The following NEO1 variants were observed in gnomAD, a reference collection of about 807,000 sequenced individuals.
NEO1 encodes neogenin 1.
A neutral mutation model predicts 159.7 loss-of-function variants in NEO1; 63 were observed. The ratio of observed to expected loss-of-function variants is 0.39; its 90% CI spans 0.32 to 0.49. The LOEUF (loss-of-function observed/expected upper bound fraction) is 0.49, where lower values mean the gene tolerates loss of function less well. Ranked by LOEUF, NEO1 falls within the 20% of genes least tolerant of loss-of-function variation. NEO1 has a pLI of 0.85. For missense variants in NEO1, 1,615 were observed against 1,831.0 expected (o/e 0.88, Z 2.15); for synonymous variants, 633 against 662.0 (o/e 0.96, Z 0.67).
intron 5 of NEO1, among the ~76,000 whole-genome samples, chr15:73,169,248 G>T (rs186883965): frequency 4.0e-4 from 61 of 152,260 alleles, no homozygotes; most frequent in African/African-American, 1.4e-3. Context: ...AATTCCACTT[G>T]TACATTTAGC....
intron 26 of NEO1, among the ~76,000 whole-genome samples, chr15:73,295,229 T>A (rs1260768749): frequency 6.6e-6 from 1 of 150,874 alleles, no homozygotes; most frequent in Non-Finnish European, 1.5e-5. Context: ...AGATGGACAG[T>A]TACTCCAGCC....
chr15:73,105,246 C>T lies in NEO1; in HGVS notation c.131-11294C>T, dbSNP rs115818343. Among the ~76,000 whole-genome samples the T allele has an allele frequency of 5.2e-3, 794 of 152,212 alleles. 10 individuals are homozygous for T. The highest frequency in any genetic ancestry group is 0.018 in the African/African-American group (763 of 41,524). On this transcript the variant is annotated intron_variant, in intron 1 of 28. Coordinates refer to ENST00000261908, the MANE Select transcript of NEO1 (RefSeq NM_002499.4). ...AAAGATAAAGAACCAAACAAATGTC[C>T]ACTGTTTCAGTTGGGCCAGAGGAAT...
chr15:73,071,787 A>T (rs1039414256), intron 1 of NEO1, among the ~76,000 whole-genome samples: 3 of 152,328 alleles, frequency 2.0e-5, no homozygotes, highest in Admixed American at 2.0e-4. Context: ...GATTGCTGGG[A>T]TTACAGGTGT....
chr15:73,071,260 G>A (rs1386399899), intron 1 of NEO1, among the ~76,000 whole-genome samples: 4 of 152,120 alleles, frequency 2.6e-5, no homozygotes, highest in Non-Finnish European at 5.9e-5. Context: ...TTTATGTGTA[G>A]TTACTACTTT....
chr15:73,095,276 G>A (rs1369158090), intron 1 of NEO1, among the ~76,000 whole-genome samples: 2 of 150,932 alleles, frequency 1.3e-5, no homozygotes, highest in African/African-American at 4.9e-5. Flanking sequence ...TAACCTATAA[G>A]CTAATGTTGA....
At chr15:73,300,467 C>T (rs752716000) in intron 27 of NEO1, among the ~76,000 whole-genome samples, 9 of 152,234 alleles carry the variant, frequency 5.9e-5, no homozygotes, top group African/African-American at 1.9e-4. Context: ...CGGTGGCTCA[C>T]GCTTGTAATC....
chr15:73,184,303 G>C (rs537373518), intron 7 of NEO1, among the ~76,000 whole-genome samples: 2 of 152,008 alleles, frequency 1.3e-5, no homozygotes, highest in Non-Finnish European at 2.9e-5. Context: ...TTACAGGTGC[G>C]TGCCACCATG....
intron 7 of NEO1, among the ~76,000 whole-genome samples, chr15:73,179,101 A>G (rs981611132): frequency 3.3e-5 from 5 of 152,214 alleles, no homozygotes; most frequent in Admixed American, 1.3e-4. Flanking sequence ...AAGTATAAAG[A>G]AAAAAATCCA....
chr15:73,213,390 A>C (rs755345421), intron 7 of NEO1, among the ~76,000 whole-genome samples: 1 of 152,154 alleles, frequency 6.6e-6, no homozygotes, highest in Non-Finnish European at 1.5e-5. Flanking sequence ...TATACAATGC[A>C]CCATATTTGT....
chr15:73,218,678 T>C (rs1245903348), intron 7 of NEO1, among the ~76,000 whole-genome samples: 1 of 152,232 alleles, frequency 6.6e-6, no homozygotes, highest in Non-Finnish European at 1.5e-5. Flanking sequence ...TCGAGGAATT[T>C]ATCCATTTCT....
intron 2 of NEO1, among the ~76,000 whole-genome samples, chr15:73,121,186 A>G (rs1439685776): frequency 6.6e-6 from 1 of 152,206 alleles, no homozygotes; most frequent in African/African-American, 2.4e-5. Flanking sequence ...AATGTTCTTT[A>G]TAGTAAAAAC....
intron 5 of NEO1, among the ~76,000 whole-genome samples, chr15:73,150,460 A>G (rs2151832185): frequency 6.6e-6 from 1 of 152,292 alleles, no homozygotes; most frequent in Admixed American, 6.5e-5. Flanking sequence ...TACAGCAAAT[A>G]CCCACCACCT....
At chr15:73,183,474 C>A (rs2035737109) in intron 7 of NEO1, among the ~76,000 whole-genome samples, 2 of 152,086 alleles carry the variant, frequency 1.3e-5, no homozygotes, top group Admixed American at 6.5e-5. Context: ...GCGCAGAAAT[C>A]ATTTTAGGCC....
Position 73,178,459 on chromosome 15 carries a change from G to A in NEO1, c.1291+32G>A, listed in dbSNP as rs756159874. The stretch of plus-strand genomic sequence containing the variant: ...AGGGCTGAAATAGTCAGATGATAGA[G>A]GCTGTGTGCTTGATGAACAAGCACC... On this transcript the variant is annotated intron_variant, in intron 7 of 28. Transcript: ENST00000261908. 94 of 1,610,032 alleles carry A rather than the reference G, an allele frequency of 5.8e-5. No homozygotes were observed. In the African/African-American group the frequency reaches 1.2e-3, roughly 21 times the overall value.
chr15:73,253,448 A>T lies in NEO1; in HGVS notation c.1943A>T (p.Lys648Met). The change falls in exon 12 of 29, where the codon AAG (lysine) becomes ATG (methionine). Residue 648 changes from lysine to methionine, a missense_variant and splice_region_variant. Transcript: ENST00000261908. ...CTGTCCTTGGAAGTGAGAAATTCAA[A>T]GGTAAAACTGTATGATGCTGCTGTT... Reference protein sequence around the residue: ...QNLSLEVRNSKSIMIHWQPPA... With the variant: ...QNLSLEVRNSMSIMIHWQPPA... 1 of 1,599,516 alleles carries T rather than the reference A, an allele frequency of 6.3e-7. No homozygotes were observed. The highest frequency in any genetic ancestry group is 8.5e-7 in the Non-Finnish European group (1 of 1,172,626).
Position 73,109,501 on chromosome 15 carries a change from C to G in NEO1, c.131-7039C>G, listed in dbSNP as rs150378212. Among the ~76,000 whole-genome samples, 401 of 151,700 alleles carry G rather than the reference C, an allele frequency of 2.6e-3. 2 individuals carry two copies. The highest frequency in any genetic ancestry group is 9.3e-3 in the African/African-American group (384 of 41,312). ...GGGAGGAAGATGGAGGGGAGAAGAA[C>G]AAGGCTGAAAATTGAAGAAAAGGAA... On this transcript the variant is annotated intron_variant, in intron 1 of 28. Coordinates refer to ENST00000261908, the MANE Select transcript of NEO1 (RefSeq NM_002499.4).
Position 73,077,080 on chromosome 15 carries a change from C to T in NEO1, c.130+24275C>T, listed in dbSNP as rs552646484. On this transcript the variant is annotated intron_variant, in intron 1 of 28. Coordinates refer to ENST00000261908, the MANE Select transcript of NEO1 (RefSeq NM_002499.4). ...TTATTTTGAGACAGAGTCTCTCTCTCTGGCACAGGCTGGAGTGTAGTGACA... is the reference window on the plus strand; with the variant it reads ...TTATTTTGAGACAGAGTCTCTCTCTTTGGCACAGGCTGGAGTGTAGTGACA... 2.2e-4 allele frequency among the ~76,000 whole-genome samples: 34 copies of T among 152,266 alleles called. No individual in the cohort carries two copies. The South Asian group carries it at 5.8e-3, about 26-fold the overall frequency.
chr15:73,234,025 T>C (rs1422136465), intron 7 of NEO1, among the ~76,000 whole-genome samples: 1 of 152,162 alleles, frequency 6.6e-6, no homozygotes. Context: ...AGTCCTGGGC[T>C]CTTTCCGGTA....
At chr15:73,072,380 A>T (rs1411675484) in intron 1 of NEO1, among the ~76,000 whole-genome samples, 1 of 152,204 alleles carries the variant, frequency 6.6e-6, no homozygotes, top group Non-Finnish European at 1.5e-5. Context: ...AACTGACTCA[A>T]CTGTTGGACG....
Sources: gnomAD v4.1 joint callset for allele counts (sites outside exome capture counted in the v4.1 genomes callset) on GRCh38, gnomAD v4.1.1 for gene constraint, MANE v1.5 for transcripts, NCBI Gene and HGNC (gene_info 2026-07-23, HGNC 2026-07-21) for gene names.